HPGDS: variants seen among roughly 807,000 people sequenced by gnomAD.
HPGDS encodes the protein GST class-sigma.
In HPGDS, 26 loss-of-function variants were observed where a neutral mutation model predicts 23.1. The ratio of observed to expected loss-of-function variants is 1.13; its 90% CI spans 0.83 to 1.56. The LOEUF is 1.56. Ranked by LOEUF, HPGDS falls within the 40% of genes most tolerant of loss-of-function variation. The pLI is 0.00. For missense variants in HPGDS, 268 were observed against 236.4 expected (o/e 1.13, Z -0.88); for synonymous variants, 95 against 77.9 (o/e 1.22, Z -1.16).
chr4:94,317,954 CAAATGGGAGAGCTTA>C lies in HPGDS; in HGVS notation c.134-4_144del. On this transcript the variant is annotated splice_acceptor_variant and splice_polypyrimidine_tract_variant and coding_sequence_variant and intron_variant, in exon 3 of 6. Transcript: ENST00000295256. LOFTEE classifies it high-confidence loss of function. ...TCAACTTCCAAAATGGGGATTTTTCCAAATGGGAGAGCTTAAAATGAAATGAGCAAATAATTAACT... is the reference window on the plus strand; with the variant it reads ...TCAACTTCCAAAATGGGGATTTTTCCAAATGAAATGAGCAAATAATTAACT... 6.2e-7 allele frequency: 1 copy of C among 1,602,910 alleles called. No individual in the cohort carries two copies. The highest frequency in any genetic ancestry group is 1.1e-5 in the South Asian group (1 of 89,936).
chr4:94,337,008 A>C (rs1469127316), intron 1 of HPGDS, among the ~76,000 whole-genome samples: 1 of 152,128 alleles, frequency 6.6e-6, no homozygotes, highest in Non-Finnish European at 1.5e-5. Flanking sequence ...TCTGTCCCCC[A>C]GTCTGGAGTG....
At chr4:94,315,766 G>A (rs1756384894) in intron 3 of HPGDS, among the ~76,000 whole-genome samples, 3 of 152,128 alleles carry the variant, frequency 2.0e-5, no homozygotes, top group African/African-American at 7.2e-5. Flanking sequence ...TTGTGTGTGT[G>A]ATATTCAAAG....
intron 1 of HPGDS, among the ~76,000 whole-genome samples, chr4:94,340,301 C>T (rs868372130): frequency 9.6e-4 from 31 of 32,166 alleles, no homozygotes; most frequent in East Asian, 4.2e-3. Context: ...TTCTTTCTTT[C>T]TTTCTTTCTC....
chr4:94,325,668 A>G (rs1329278791), intron 2 of HPGDS, among the ~76,000 whole-genome samples: 2 of 152,138 alleles, frequency 1.3e-5, no homozygotes, highest in African/African-American at 2.4e-5. Flanking sequence ...CAGTGTCCCA[A>G]TTTTCCAGAT....
chr4:94,308,746 G>A lies in HPGDS; in HGVS notation c.227-3C>T. 6.7e-7 allele frequency: 1 copy of A among 1,503,286 alleles called. No individual in the cohort carries two copies. Among genetic ancestry groups the A allele is most frequent in the South Asian group, 1.2e-5 (1 of 86,904 alleles). The allele number at this position is 1,503,286 out of a possible 1,614,324, so 93.1% of individuals were successfully genotyped here. On this transcript the variant is annotated splice_polypyrimidine_tract_variant and splice_region_variant and intron_variant, in intron 3 of 5. Transcript: ENST00000295256. ...CATTTCTGTGTTTCCAGCCAAATCT[G>A]TGGAATAGAGAGAGGCCCATCAATA...
At chr4:94,314,349 C>G (rs1210536182) in intron 3 of HPGDS, among the ~76,000 whole-genome samples, 1 of 152,090 alleles carries the variant, frequency 6.6e-6, no homozygotes. Flanking sequence ...GTTAGTTTTC[C>G]TTTTAACAGT....
At chr4:94,322,953 G>T (rs976082008) in intron 2 of HPGDS, among the ~76,000 whole-genome samples, 5 of 152,266 alleles carry the variant, frequency 3.3e-5, no homozygotes, top group Middle Eastern at 3.4e-3. Context: ...AGAGATTCTG[G>T]TACATTGTGT....
chr4:94,338,469 T>C (rs1175226515), intron 1 of HPGDS, among the ~76,000 whole-genome samples: 2 of 152,176 alleles, frequency 1.3e-5, no homozygotes, highest in Non-Finnish European at 2.9e-5. Flanking sequence ...ATCATCTCAA[T>C]AGATACTAAA....
At chr4:94,305,732 G>T (rs1329331099) in intron 4 of HPGDS, among the ~76,000 whole-genome samples, 1 of 152,048 alleles carries the variant, frequency 6.6e-6, no homozygotes, top group African/African-American at 2.4e-5. Context: ...ACAATTTTGG[G>T]TAAGTTGTTT....
chr4:94,302,179 A>G lies in HPGDS; in HGVS notation c.402T>C (p.Tyr134=), dbSNP rs1237646891. ...APHLMQDLDT[Y]LGGREWLIGN... ...CAATAAGCCATTCTCTCCCCCCTAA[A>G]TATGTGTCCAAGTCTTGCATAAGAT... The change falls in exon 5 of 6, where the codon TAT becomes TAC. Residue 134 remains tyrosine, a synonymous_variant. Transcript: ENST00000295256. The G allele has an allele frequency of 6.2e-7, 1 of 1,612,306 alleles. No individual in the cohort carries two copies. Among genetic ancestry groups the G allele is most frequent in the Admixed American group, 1.7e-5 (1 of 59,960 alleles).
chr4:94,340,242 C>A (rs917966118), intron 1 of HPGDS, among the ~76,000 whole-genome samples: 4 of 145,568 alleles, frequency 2.7e-5, no homozygotes, highest in Non-Finnish European at 4.5e-5. Flanking sequence ...AGGTGTGAGC[C>A]ACTGTGCCTG....
At chr4:94,307,869 G>A (rs1228847065) in intron 4 of HPGDS, among the ~76,000 whole-genome samples, 6 of 152,112 alleles carry the variant, frequency 3.9e-5, no homozygotes, top group Admixed American at 3.9e-4. Flanking sequence ...TATTTGCATA[G>A]CCTACTAATC....
Position 94,299,357 on chromosome 4 carries a change from A to G in HPGDS, c.*123T>C. ...CTTTTTAAAAATCAGAATATGGCTA[A>G]AGTGAAAATCTTAGTGGAGCTGGGG... On this transcript the variant is annotated 3_prime_UTR_variant, in exon 6 of 6. Transcript: ENST00000295256. 2 of 796,710 alleles carry G rather than the reference A, an allele frequency of 2.5e-6. No individual in the cohort carries two copies. Among genetic ancestry groups the G allele is most frequent in the Admixed American group, 2.7e-5 (1 of 36,428 alleles). The allele number at this position is 796,710 out of a possible 1,614,324, so 49.4% of individuals were successfully genotyped here.
intron 2 of HPGDS, among the ~76,000 whole-genome samples, chr4:94,331,337 G>T (rs150699242): frequency 2.3e-3 from 344 of 152,134 alleles, no homozygotes; most frequent in African/African-American, 7.4e-3. Flanking sequence ...GTTTGAAGTG[G>T]TATTTTTTTC....
intron 2 of HPGDS, among the ~76,000 whole-genome samples, chr4:94,323,146 G>A (rs1202922503): frequency 6.6e-6 from 1 of 152,146 alleles, no homozygotes; most frequent in Non-Finnish European, 1.5e-5. Flanking sequence ...TGTGATTTCT[G>A]TTCTTTTACA....
chr4:94,340,319 T>TTC (rs1560598075), intron 1 of HPGDS, among the ~76,000 whole-genome samples: 79 of 16,344 alleles, frequency 4.8e-3, no homozygotes, highest in Non-Finnish European at 7.1e-3. Context: ...CTCTTTTTTT[T>TTC]TTTTTTTTTT....
intron 2 of HPGDS, among the ~76,000 whole-genome samples, chr4:94,328,005 T>C (rs1332023768): frequency 6.6e-6 from 1 of 152,192 alleles, no homozygotes; most frequent in Non-Finnish European, 1.5e-5. Context: ...TCTGGAACAA[T>C]GTTCTCACAT....
At chr4:94,320,955 G>A (rs1329961361) in intron 2 of HPGDS, among the ~76,000 whole-genome samples, 1 of 152,164 alleles carries the variant, frequency 6.6e-6, no homozygotes, top group South Asian at 2.1e-4. Flanking sequence ...TGTAAGGAAG[G>A]GATCCAGTTT....
chr4:94,324,312 G>T (rs545100066), intron 2 of HPGDS, among the ~76,000 whole-genome samples: 1 of 152,290 alleles, frequency 6.6e-6, no homozygotes, highest in East Asian at 1.9e-4. Context: ...GGCCTGTCTT[G>T]CTAGGTTGGG....
Sources: allele counts gnomAD v4.1 joint callset (sites outside exome capture counted in the v4.1 genomes callset), GRCh38; gene constraint gnomAD v4.1.1; transcripts MANE v1.5; gene names NCBI Gene and HGNC (gene_info 2026-07-23, HGNC 2026-07-21).